The following SPATA6 variants were observed in gnomAD, a reference collection of about 807,000 sequenced individuals.
The protein encoded by SPATA6 is spermatogenesis-associated protein 6.
Under a neutral mutation model 65.3 loss-of-function variants are expected in SPATA6, and 56 were observed. The ratio of observed to expected loss-of-function variants is 0.86; its 90% CI spans 0.69 to 1.07. SPATA6 has a LOEUF of 1.07. SPATA6 is among the 50% of genes least tolerant of loss of function. SPATA6 has a pLI of 0.00. For missense variants in SPATA6, 590 were observed against 594.8 expected, an observed-to-expected ratio of 0.99 and a Z score of 0.08; for synonymous variants, 199 against 213.2, an observed-to-expected ratio of 0.93 and a Z score of 0.58.
intron 11 of SPATA6, among the ~76,000 whole-genome samples, chr1:48,332,547 C>T (rs931758368): frequency 2.6e-5 from 4 of 152,074 alleles, no homozygotes; most frequent in African/African-American, 9.7e-5. Context: ...TTAATGTGTA[C>T]CCAAAACAAG....
At chr1:48,374,511 G>C (rs1385615539) in intron 9 of SPATA6, among the ~76,000 whole-genome samples, 1 of 152,174 alleles carries the variant, frequency 6.6e-6, no homozygotes, top group African/African-American at 2.4e-5. Context: ...ACATTCTCAT[G>C]AGTTCCTCAA....
chr1:48,304,195 C>A (rs1645004851), intron 12 of SPATA6, among the ~76,000 whole-genome samples: 1 of 152,130 alleles, frequency 6.6e-6, no homozygotes, highest in Admixed American at 6.6e-5. Flanking sequence ...ATCAAAGATA[C>A]TCTTCTGAAA....
At chr1:48,348,363 G>A (rs1013959315) in intron 11 of SPATA6, among the ~76,000 whole-genome samples, 1 of 151,942 alleles carries the variant, frequency 6.6e-6, no homozygotes, top group East Asian at 1.9e-4. Context: ...CATCAGTATG[G>A]ACTCTTGGAT....
At position 48,357,895 on chromosome 1, in the gene SPATA6, A is replaced by C. The variant is rs374687853; in HGVS notation, c.1094+1691T>G. On this transcript the variant is annotated intron_variant, in intron 10 of 12. Transcript: ENST00000371847. ...CTGCCCCAGAGAGTATACCAACAGA[A>C]TGTTAATTTGTATAGGTAAATTCAA... is the stretch of plus-strand genomic sequence containing the variant. 3.3e-5 allele frequency among the ~76,000 whole-genome samples: 5 copies of C among 152,158 alleles called. No homozygotes were observed. The East Asian group carries it at 7.7e-4, about 23-fold the overall frequency.
At chr1:48,336,004 C>T (rs1044423847) in intron 11 of SPATA6, among the ~76,000 whole-genome samples, 1 of 151,900 alleles carries the variant, frequency 6.6e-6, no homozygotes, top group Admixed American at 6.6e-5. Flanking sequence ...AGAAGGCATA[C>T]AATGCACCAA....
intron 3 of SPATA6, among the ~76,000 whole-genome samples, chr1:48,417,873 G>T (rs1237021239): frequency 6.6e-6 from 1 of 151,980 alleles, no homozygotes; most frequent in Non-Finnish European, 1.5e-5. Flanking sequence ...TTTGTTTTTT[G>T]TTGTTGTTGT....
intron 11 of SPATA6, among the ~76,000 whole-genome samples, chr1:48,311,569 CTTAAA>C (rs889801141): frequency 2.0e-5 from 3 of 151,976 alleles, no homozygotes; most frequent in African/African-American, 7.2e-5. Flanking sequence ...ATCAAAAAAA[CTTAAA>C]TTAAAAAAAC....
chr1:48,392,850 T>C (rs1245061655), intron 8 of SPATA6, among the ~76,000 whole-genome samples: 1 of 152,016 alleles, frequency 6.6e-6, no homozygotes, highest in African/African-American at 2.4e-5. Context: ...TTCCCATATG[T>C]ATTTAAATGG....
At chr1:48,357,983 A>G (rs1353949555) in intron 10 of SPATA6, among the ~76,000 whole-genome samples, 1 of 152,106 alleles carries the variant, frequency 6.6e-6, no homozygotes, top group Non-Finnish European at 1.5e-5. Flanking sequence ...GTTATAGTTA[A>G]ATTAGGTAAT....
At chr1:48,313,195 G>T (rs1200937448) in intron 11 of SPATA6, among the ~76,000 whole-genome samples, 1 of 152,080 alleles carries the variant, frequency 6.6e-6, no homozygotes, top group Non-Finnish European at 1.5e-5. Flanking sequence ...TACAGAGAAT[G>T]CCACAAAGAT....
chr1:48,445,174 A>C (rs1655895134), intron 3 of SPATA6, among the ~76,000 whole-genome samples: 1 of 152,212 alleles, frequency 6.6e-6, no homozygotes. Context: ...CCACTGACAT[A>C]CAGCCAAACT....
At chr1:48,440,794 G>C (rs1265741140) in intron 3 of SPATA6, among the ~76,000 whole-genome samples, 1 of 152,180 alleles carries the variant, frequency 6.6e-6, no homozygotes, top group African/African-American at 2.4e-5. Context: ...ACAGATATCA[G>C]GAGAAAGCTC....
chr1:48,468,941 A>AT (rs1457630639), intron 1 of SPATA6, among the ~76,000 whole-genome samples: 1 of 152,088 alleles, frequency 6.6e-6, no homozygotes, highest in Non-Finnish European at 1.5e-5. Context: ...CAATCTCCTT[A>AT]TTTTTTAATT....
At position 48,404,414 on chromosome 1, in the gene SPATA6, C is replaced by T. The variant is rs146137910; in HGVS notation, c.406-532G>A. Among the ~76,000 whole-genome samples, 810 of 152,222 alleles carry T rather than the reference C, an allele frequency of 5.3e-3. 22 individuals carry two copies. Among genetic ancestry groups the T allele is most frequent in the South Asian group, 0.05 (240 of 4,810 alleles). On this transcript the variant is annotated intron_variant, in intron 5 of 12. Coordinates refer to ENST00000371847, the MANE Select transcript of SPATA6 (RefSeq NM_019073.4). ...CTGGAGTATAGTGGTGCCATCACAG[C>T]TCACTGCAGACTCTAACTCTTGGAC...
chr1:48,453,729 C>T lies in SPATA6; in HGVS notation c.52-598G>A, dbSNP rs112205383. ...TAACTGTCTGTTTCCCCCATTACAA[C>T]GAAAGCTCCCAGAGGGGAGGATTTT... is the stretch of plus-strand genomic sequence containing the variant. On this transcript the variant is annotated intron_variant, in intron 1 of 12. Coordinates refer to ENST00000371847, the MANE Select transcript of SPATA6 (RefSeq NM_019073.4). Among the ~76,000 whole-genome samples the T allele has an allele frequency of 2.2e-4, 34 of 152,114 alleles. 1 individual carries two copies. Among genetic ancestry groups the T allele is most frequent in the Middle Eastern group, 3.4e-3 (1 of 294 alleles).
At chr1:48,325,113 G>C (rs1263196060) in intron 11 of SPATA6, 1 of 481,870 alleles carries the variant, frequency 2.1e-6, no homozygotes, top group Non-Finnish European at 3.9e-6. Flanking sequence ...TTCTTGTCTG[G>C]CCAAGCCTCT....
intron 12 of SPATA6, 151 bp from the exon 13 acceptor site, chr1:48,299,044 AAG>A (rs1162223665): frequency 1.4e-6 from 1 of 694,474 alleles, no homozygotes; most frequent in Admixed American, 3.5e-5. Context: ...TGTGCTTTCA[AAG>A]AGGGACATTT....
chr1:48,280,407 G>A, the SPATA6 span, among the ~76,000 whole-genome samples: 1 of 151,868 alleles, frequency 6.6e-6, no homozygotes, highest in Non-Finnish European at 1.5e-5. Context: ...GTTTTTTTGA[G>A]AGAATCAACA....
At chr1:48,341,207 T>C (rs1479285095) in intron 11 of SPATA6, among the ~76,000 whole-genome samples, 4 of 152,210 alleles carry the variant, frequency 2.6e-5, no homozygotes, top group Non-Finnish European at 4.4e-5. Context: ...GCCTCAACTA[T>C]TCCACTTTTA....
Sources: gnomAD v4.1 joint callset for allele counts (sites outside exome capture counted in the v4.1 genomes callset) on GRCh38, gnomAD v4.1.1 for gene constraint, MANE v1.5 for transcripts, NCBI Gene and HGNC (gene_info 2026-07-23, HGNC 2026-07-21) for gene names.